Variants in BOD1L1 observed in about 807,000 individuals in gnomAD.
BOD1L1 encodes the protein biorientation of chromosomes in cell division 1 like 1, also known as biorientation of chromosomes in cell division protein 1-like 1.
A neutral mutation model predicts 240.7 loss-of-function variants in BOD1L1; 86 were observed. The observed-to-expected ratio is 0.36, with a 90% CI of 0.30 to 0.43. The LOEUF (loss-of-function observed/expected upper bound fraction) is 0.43, where lower values mean the gene tolerates loss of function less well. Ranked by LOEUF, BOD1L1 falls within the 20% of genes least tolerant of loss-of-function variation. The pLI is 1.00. For synonymous variants in BOD1L1, 1,268 were observed against 1,272.3 expected, an observed-to-expected ratio of 1.00 and a Z score of 0.07; for missense variants, 3,554 against 3,643.5, an observed-to-expected ratio of 0.98 and a Z score of 0.63.
In BOD1L1 at chr4:13,603,826, A is replaced by G. The variant is rs750046076; in HGVS notation, c.3074T>C (p.Leu1025Ser). The change falls in exon 10 of 26, where the codon TTA (leucine) becomes TCA (serine). Residue 1025 changes from leucine to serine, a missense_variant. Physicochemically the swap from Leu to Ser is moderately radical, Grantham distance 145. Transcript: ENST00000040738. ...TTTTATGTCTTTACTACTATGCTTT[A>G]AGCTTCTGCTTTTGTGGCCATCTGA... ...KLSDGHKSRSLKHSSKDIKKK... is the reference protein window; with the variant it reads ...KLSDGHKSRSSKHSSKDIKKK... 1 of 1,613,444 alleles carries G rather than the reference A, an allele frequency of 6.2e-7. No individual in the cohort carries two copies.
chr4:13,588,884 CTGAGTTAGTAACTTTAT>C, intron 14 of BOD1L1, 92 bp from the exon 15 acceptor site: 1 of 866,458 alleles, frequency 1.2e-6, no homozygotes, highest in Middle Eastern at 3.5e-4. Flanking sequence ...TGGGAGAAAA[CTGAGTTAGTAACTTTAT>C]TGAGTACCAG....
rs1713676169 is a variant in BOD1L1 at position 13,586,259 on chromosome 4, T to C, written c.8433+137A>G. 8.7e-6 allele frequency: 4 copies of C among 461,468 alleles called. No homozygotes were observed. The Admixed American group carries it at 1.2e-4, about 14-fold the overall frequency. The allele number at this position is 461,468 out of a possible 1,614,324, so 28.6% of individuals were successfully genotyped here. A position where few individuals can be genotyped will look rare whatever the true frequency, so the allele number is the denominator to read the frequency against. On this transcript the variant is annotated intron_variant, in intron 17 of 25. Transcript: ENST00000040738. ...GAGACTAAAAAATAGACACCTTTTATAATAAAGTGATTATTATTAGAGACA... is the reference window on the plus strand; with the variant it reads ...GAGACTAAAAAATAGACACCTTTTACAATAAAGTGATTATTATTAGAGACA...
At chr4:13,570,865 T>TC (rs1712152320) in intron 25 of BOD1L1, among the ~76,000 whole-genome samples, 1 of 152,090 alleles carries the variant, frequency 6.6e-6, no homozygotes, top group Non-Finnish European at 1.5e-5. Flanking sequence ...ATCTTTGGAA[T>TC]CCCCCACAGA....
In BOD1L1 at chr4:13,602,864, C is replaced by G. The variant is rs1315037276; in HGVS notation, c.4036G>C (p.Gly1346Arg). The G allele has an allele frequency of 6.2e-7, 1 of 1,614,018 alleles. No homozygotes were observed. The highest frequency in any genetic ancestry group is 1.7e-5 in the Admixed American group (1 of 60,028). ...EVLKTSDSKE[G>R]GEGFTVDTPA... Reference sequence around the variant, plus strand: ...GTATCTACTGTGAAACCTTCACCACCTTCTTTGCTGTCACTTGTCTTAAGG... The same window carrying G: ...GTATCTACTGTGAAACCTTCACCACGTTCTTTGCTGTCACTTGTCTTAAGG... The change falls in exon 10 of 26, where the codon GGT becomes CGT. Residue 1346 changes from glycine (G) to arginine (R), a missense_variant. Gly to Arg is a moderately radical substitution (Grantham distance 125). This residue lies in a region of BOD1L1 where 3,393 missense variants were observed against 3,427.1 expected (regional missense o/e 0.99). Coordinates refer to ENST00000040738, the MANE Select transcript of BOD1L1 (RefSeq NM_148894.3).
chr4:13,594,124 G>A (rs573752914), intron 12 of BOD1L1, among the ~76,000 whole-genome samples: 2 of 152,134 alleles, frequency 1.3e-5, no homozygotes, highest in Non-Finnish European at 2.9e-5. Context: ...CATCCTCTTG[G>A]ATTATGCTTT....
intron 17 of BOD1L1, among the ~76,000 whole-genome samples, chr4:13,584,038 A>G (rs2108898604): frequency 6.6e-6 from 1 of 152,348 alleles, no homozygotes; most frequent in South Asian, 2.1e-4. Context: ...GTGATGTCAG[A>G]GGAGAGCTCA....
Position 13,576,973 on chromosome 4 carries a change from C to A in BOD1L1, c.8903G>T (p.Arg2968Ile). The change falls in exon 25 of 26, where the codon AGA becomes ATA. Residue 2968 changes from arginine (R) to isoleucine (I), a missense_variant. By Grantham distance (97) the Arg-to-Ile change is moderately conservative. This residue lies in a region of BOD1L1 where 3,393 missense variants were observed against 3,427.1 expected (regional missense o/e 0.99). Transcript: ENST00000040738. ...ATCAGAAACTGATTTCTGGCGTTTT[C>A]TTTCTGGCTCTGAGGATTCTGTTCA... The part of the protein sequence containing the change: ...SDDAESSEPE[R>I]KRQKSVSDPV... 1 of 1,613,840 alleles carries A rather than the reference C, an allele frequency of 6.2e-7. No homozygotes were observed. Among genetic ancestry groups the A allele is most frequent in the Non-Finnish European group, 8.5e-7 (1 of 1,179,846 alleles).
chr4:13,578,860 A>G (rs1712989574), intron 22 of BOD1L1, among the ~76,000 whole-genome samples: 4 of 152,226 alleles, frequency 2.6e-5, no homozygotes, highest in Admixed American at 2.0e-4. Flanking sequence ...CAAATACATC[A>G]TGGTAGCTAA....
intron 1 of BOD1L1, chr4:13,625,150 T>C (rs1394686540): frequency 6.6e-6 from 1 of 152,250 alleles, no homozygotes; most frequent in Non-Finnish European, 1.5e-5. Flanking sequence ...AAACAAGTAC[T>C]GTGCCTCGGA....
chr4:13,587,698 C>G lies in BOD1L1; in HGVS notation c.8353+1G>C. 1 of 1,542,296 alleles carries G rather than the reference C, an allele frequency of 6.5e-7. No homozygotes were observed. The highest frequency in any genetic ancestry group is 8.8e-7 in the Non-Finnish European group (1 of 1,135,920). ...TAAAACAGAAACATAAATATAAATA[C>G]CTGGTTCATCTTCTGAAGAGAGATA... On this transcript the variant is annotated splice_donor_variant, in intron 16 of 25. Transcript: ENST00000040738. LOFTEE classifies it high-confidence loss of function.
Position 13,602,641 on chromosome 4 carries a change from G to C in BOD1L1, c.4259C>G (p.Pro1420Arg). The change falls in exon 10 of 26, where the codon CCC (proline) becomes CGC (arginine). Residue 1420 changes from proline to arginine, a missense_variant. Physicochemically the swap from Pro to Arg is moderately radical, Grantham distance 103. Around this residue, in one of 2 missense-constraint regions of BOD1L1, gnomAD observed 3,393 missense variants for 3,427.1 expected, o/e 0.99. Transcript: ENST00000040738. Reference sequence around the variant, plus strand: ...TGCTTTAATTGTCTGCTTTAAATTGGGCTCTGCATTTAAGTCATTTTCTTT... The same window carrying C: ...TGCTTTAATTGTCTGCTTTAAATTGCGCTCTGCATTTAAGTCATTTTCTTT... ...AKKENDLNAE[P>R]NLKQTIKATV... The C allele has an allele frequency of 6.2e-7, 1 of 1,613,864 alleles. No homozygotes were observed. Among genetic ancestry groups the C allele is most frequent in the Non-Finnish European group, 8.5e-7 (1 of 1,179,866 alleles).
intron 1 of BOD1L1, among the ~76,000 whole-genome samples, chr4:13,621,800 G>T (rs76818873): frequency 0.016 from 2,419 of 150,968 alleles, 31 homozygotes; most frequent in Non-Finnish European, 0.023. Flanking sequence ...CTTATTTCCT[G>T]TCCTACATGA....
Position 13,604,125 on chromosome 4 carries a change from T to G in BOD1L1, c.2775A>C (p.Glu925Asp), listed in dbSNP as rs867148840. The G allele has an allele frequency of 1.7e-5, 27 of 1,613,566 alleles. No individual in the cohort carries two copies. In the Admixed American group the frequency reaches 2.8e-4, roughly 17 times the overall value. The change falls in exon 10 of 26, where the codon GAA becomes GAC. Residue 925 changes from glutamate (E) to aspartate (D), a missense_variant. Glu to Asp is a conservative substitution (Grantham distance 45). Coordinates refer to ENST00000040738, the MANE Select transcript of BOD1L1 (RefSeq NM_148894.3). Reference protein sequence around the residue: ...KTQGKQVKVVETELQEGATKQ... With the variant: ...KTQGKQVKVVDTELQEGATKQ... ...TTGTGGCACCTTCTTGTAATTCTGT[T>G]TCTACAACTTTTACCTGTTTGCCTT...
intron 9 of BOD1L1, among the ~76,000 whole-genome samples, 179 bp downstream of exon 9, chr4:13,606,938 A>G (rs1715752722): frequency 6.6e-6 from 1 of 152,226 alleles, no homozygotes; most frequent in Non-Finnish European, 1.5e-5. Flanking sequence ...TATATAAATC[A>G]ACTCAACAAA....
chr4:13,581,085 G>A lies in BOD1L1; in HGVS notation c.8669-31C>T, dbSNP rs901072358. The A allele has an allele frequency of 3.8e-6, 6 of 1,560,916 alleles. No individual in the cohort carries two copies. The African/African-American group carries it at 8.1e-5, about 21-fold the overall frequency. ...AAAAAAAAATTCACTTAGAAAATCG[G>A]TTCGAAAATTTCTTGTGTGTGAACT... On this transcript the variant is annotated intron_variant, in intron 20 of 25. Transcript: ENST00000040738.
chr4:13,586,837 T>G (rs1316532704), intron 16 of BOD1L1, among the ~76,000 whole-genome samples: 1 of 152,200 alleles, frequency 6.6e-6, no homozygotes, highest in Non-Finnish European at 1.5e-5. Flanking sequence ...GAATCAGATT[T>G]ATGTGGTGAA....
Position 13,600,001 on chromosome 4 carries a change from C to T in BOD1L1, c.6899G>A (p.Gly2300Glu). Residue 2300 changes from glycine (G) to glutamate (E), a missense_variant, in exon 10 of 26, where the codon GGG becomes GAG. Coordinates refer to ENST00000040738, the MANE Select transcript of BOD1L1 (RefSeq NM_148894.3). The part of the protein sequence containing the change: ...TAMISTSTSE[G>E]CEAVMIGAVL... Reference sequence around the variant, plus strand: ...AGCACCAATCATGACTGCTTCACACCCTTCAGAGGTGCTTGTGGAAATCAT... The same window carrying T: ...AGCACCAATCATGACTGCTTCACACTCTTCAGAGGTGCTTGTGGAAATCAT... 6.2e-7 allele frequency: 1 copy of T among 1,610,312 alleles called. No individual in the cohort carries two copies. The highest frequency in any genetic ancestry group is 8.5e-7 in the Non-Finnish European group (1 of 1,178,190).
At chr4:13,570,187 T>G in intron 25 of BOD1L1, 59 bp from the exon 26 acceptor site, 2 of 1,241,004 alleles carry the variant, frequency 1.6e-6, no homozygotes, top group Non-Finnish European at 2.2e-6. Flanking sequence ...TCAAATAACT[T>G]GGGAGTTCCT....
chr4:13,584,346 C>CTGTGTG (rs374759828), intron 17 of BOD1L1, among the ~76,000 whole-genome samples: 22 of 150,310 alleles, frequency 1.5e-4, no homozygotes, highest in African/African-American at 3.9e-4. Flanking sequence ...TTCAAGTGCT[C>CTGTGTG]TGTGTGTGTG....
Sources: allele counts gnomAD v4.1 joint callset (sites outside exome capture counted in the v4.1 genomes callset), GRCh38; gene constraint gnomAD v4.1.1; regional missense constraint gnomAD v4.1.1; transcripts MANE v1.5; gene names NCBI Gene and HGNC (gene_info 2026-07-23, HGNC 2026-07-21).